Variants in INAVA observed in about 807,000 individuals in gnomAD.
INAVA encodes innate immunity activator protein.
Under a neutral mutation model 55.3 loss-of-function variants are expected in INAVA, and 32 were observed. The observed-to-expected ratio is 0.58, with a 90% CI of 0.44 to 0.78. INAVA has a LOEUF of 0.78. INAVA is among the 30% of genes least tolerant of loss of function. The pLI is 0.00. For missense variants in INAVA, 756 were observed against 786.4 expected (o/e 0.96, Z 0.46); for synonymous variants, 294 against 329.4 (o/e 0.89, Z 1.16).
intron 5 of INAVA, among the ~76,000 whole-genome samples, chr1:200,904,583 T>C (rs1342711562): frequency 6.6e-6 from 1 of 152,168 alleles, no homozygotes. Flanking sequence ...TGGGGGAAGC[T>C]CAGCATTTGT....
chr1:200,908,619 C>G (rs927200934), intron 6 of INAVA, 111 bp from the exon 7 acceptor site: 1 of 926,056 alleles, frequency 1.1e-6, no homozygotes, highest in Non-Finnish European at 1.6e-6. Context: ...AGCAGCTGCA[C>G]AAGCCAGCAT....
At chr1:200,893,745 C>T (rs763759521), upstream of INAVA, among the ~76,000 whole-genome samples, 2 of 152,086 alleles carry the variant, frequency 1.3e-5, no homozygotes, top group East Asian at 1.9e-4. Flanking sequence ...GTGTGTGTAC[C>T]GGAGCAGTGG....
At chr1:200,901,221 G>T in intron 5 of INAVA, 62 bp downstream of exon 5, 1 of 1,399,894 alleles carries the variant, frequency 7.1e-7, no homozygotes, top group East Asian at 2.6e-5. Context: ...GATGGTGGGC[G>T]CACAGCCCCG....
chr1:200,908,852 C>G lies in INAVA; in HGVS notation c.697C>G (p.Pro233Ala). 6.2e-7 allele frequency: 1 copy of G among 1,614,012 alleles called. No individual in the cohort carries two copies. The highest frequency in any genetic ancestry group is 1.7e-4 in the Middle Eastern group (1 of 6,058). ...GPEAGSPERAPVQNSPWKETS... is the reference protein window; with the variant it reads ...GPEAGSPERAAVQNSPWKETS... ...TGAGGCTGGGAGCCCAGAACGGGCT[C>G]CAGTCCAGAACAGCCCCTGGAAGGA... Residue 233 changes from proline to alanine, a missense_variant, in exon 7 of 10, where the codon CCA becomes GCA. Physicochemically the swap from Pro to Ala is conservative, Grantham distance 27. Coordinates refer to ENST00000413687, the MANE Select transcript of INAVA (RefSeq NM_001142569.3).
intron 8 of INAVA, 151 bp from the exon 9 acceptor site, chr1:200,911,302 T>C: frequency 1.3e-6 from 1 of 766,804 alleles, no homozygotes; most frequent in Non-Finnish European, 2.2e-6. Flanking sequence ...TTGGTTTGCT[T>C]TGGGAGACTT....
intron 5 of INAVA, among the ~76,000 whole-genome samples, chr1:200,906,927 GTGATC>G (rs1653517533): frequency 6.6e-6 from 1 of 152,172 alleles, no homozygotes; most frequent in South Asian, 2.1e-4. Context: ...CCAGGCTCAA[GTGATC>G]TTCCCATCTC....
chr1:200,891,674 C>A (rs767975423), upstream of INAVA: 46 of 1,482,576 alleles, frequency 3.1e-5, no homozygotes, highest in Middle Eastern at 6.5e-4. Flanking sequence ...CAGGGGCAGG[C>A]GGGCGGCGCC....
chr1:200,898,385 C>T lies in INAVA; in HGVS notation c.-16C>T. 6.2e-7 allele frequency: 1 copy of T among 1,614,166 alleles called. No individual in the cohort carries two copies. Among genetic ancestry groups the T allele is most frequent in the African/African-American group, 1.3e-5 (1 of 75,040 alleles). On this transcript the variant is annotated 5_prime_UTR_variant, in exon 2 of 10. Coordinates refer to ENST00000413687, the MANE Select transcript of INAVA (RefSeq NM_001142569.3). ...CCCCCTCCCTGCTCTGTGCCCTCTC[C>T]TTCCAGAAATCCACCATGGAGAGTA...
intron 5 of INAVA, among the ~76,000 whole-genome samples, chr1:200,901,518 G>A (rs1170534111): frequency 6.6e-6 from 1 of 152,252 alleles, no homozygotes; most frequent in Non-Finnish European, 1.5e-5. Context: ...GGCCCACAGG[G>A]TGATGGCATC....
intron 1 of INAVA, among the ~76,000 whole-genome samples, chr1:200,897,557 G>A (rs531881699): frequency 3.7e-4 from 56 of 152,332 alleles, no homozygotes; most frequent in African/African-American, 1.2e-3. Flanking sequence ...CCACTGGGGC[G>A]TAGGACATGC....
rs745364980 is a variant in INAVA at position 200,911,575 on chromosome 1, C to G, written c.1082C>G (p.Pro361Arg). 1 of 1,613,644 alleles carries G rather than the reference C, an allele frequency of 6.2e-7. No individual in the cohort carries two copies. Among genetic ancestry groups the G allele is most frequent in the East Asian group, 2.2e-5 (1 of 44,862 alleles). The change falls in exon 9 of 10, where the codon CCC becomes CGC. Residue 361 changes from proline to arginine, a missense_variant. By Grantham distance (103) the Pro-to-Arg change is moderately radical. Coordinates refer to ENST00000413687, the MANE Select transcript of INAVA (RefSeq NM_001142569.3). Reference sequence around the variant, plus strand: ...TTTCCCGCGACCAAGCCCCCGCTGCCCCACGCCGCCTGCCACTCCTGCTCA... The same window carrying G: ...TTTCCCGCGACCAAGCCCCCGCTGCGCCACGCCGCCTGCCACTCCTGCTCA... ...SCFPATKPPL[P>R]HAACHSCSED...
At chr1:200,903,636 C>T (rs1269981617) in intron 5 of INAVA, among the ~76,000 whole-genome samples, 3 of 151,314 alleles carry the variant, frequency 2.0e-5, no homozygotes, top group African/African-American at 7.3e-5. Context: ...GAAACCCCAT[C>T]TCTACTAAAA....
Position 200,895,089 on chromosome 1 carries a change from T to C in INAVA, c.-95+2T>C. The C allele has an allele frequency of 1.0e-6, 1 of 985,188 alleles. No individual in the cohort carries two copies. Among genetic ancestry groups the C allele is most frequent in the South Asian group, 4.7e-5 (1 of 21,250 alleles). The allele number at this position is 985,188 out of a possible 1,614,324, so 61.0% of individuals were successfully genotyped here. A position where few individuals can be genotyped will look rare whatever the true frequency, so the allele number is the denominator to read the frequency against. ...TCCTGGACTAAAGCCCAGAAGCAGG[T>C]GAGGGCGGGGGAGGTGGAATGGGTC... On this transcript the variant is annotated splice_donor_variant, in intron 1 of 9. Transcript: ENST00000413687. LOFTEE classifies it low-confidence loss of function (5UTR_SPLICE).
At chr1:200,895,296 A>T (rs976332553) in intron 1 of INAVA, among the ~76,000 whole-genome samples, 2 of 151,694 alleles carry the variant, frequency 1.3e-5, no homozygotes, top group Non-Finnish European at 2.9e-5. Flanking sequence ...CCAGAGGGAG[A>T]GCAAGCAGAG....
chr1:200,891,604 G>C (rs780075044), upstream of INAVA: 5 of 1,560,814 alleles, frequency 3.2e-6, no homozygotes, highest in African/African-American at 1.4e-5. Context: ...GGAGGCTCGG[G>C]GGGAGGGAAG....
At chr1:200,896,105 G>A (rs564305573) in intron 1 of INAVA, among the ~76,000 whole-genome samples, 130 of 152,130 alleles carry the variant, frequency 8.5e-4, no homozygotes, top group Non-Finnish European at 1.6e-3. Context: ...GTCCCTGTAA[G>A]TCCCCACTCC....
At chr1:200,901,768 A>G (rs1319276061) in intron 5 of INAVA, among the ~76,000 whole-genome samples, 1 of 152,028 alleles carries the variant, frequency 6.6e-6, no homozygotes, top group African/African-American at 2.4e-5. Flanking sequence ...GGATCCTTCC[A>G]TGTCTGTTCT....
At chr1:200,891,875 A>G (rs2271019), upstream of INAVA, among the ~76,000 whole-genome samples, 82,279 of 151,952 alleles carry the variant, frequency 0.54, 22,473 homozygotes, top group African/African-American at 0.58. Flanking sequence ...CAGTCCCTCA[A>G]CCTTTCTCCT....
At chr1:200,900,872 T>C in intron 4 of INAVA, 65 bp from the exon 5 acceptor site, 2 of 1,292,566 alleles carry the variant, frequency 1.5e-6, no homozygotes, top group Non-Finnish European at 2.1e-6. Context: ...TCAGGGCTGC[T>C]GTCCACCCTC....
Sources: allele counts gnomAD v4.1 joint callset (sites outside exome capture counted in the v4.1 genomes callset), GRCh38; gene constraint gnomAD v4.1.1; transcripts MANE v1.5; gene names NCBI Gene and HGNC (gene_info 2026-07-23, HGNC 2026-07-21).